USP30: variants seen among roughly 807,000 people sequenced by gnomAD.
The protein encoded by USP30 is ubiquitin specific peptidase 30.
In USP30, 41 loss-of-function variants were observed where a neutral mutation model predicts 68.2. The observed-to-expected ratio is 0.60, with a 90% CI of 0.47 to 0.78. USP30 has a LOEUF of 0.78. Ranked by LOEUF, USP30 falls within the 30% of genes least tolerant of loss-of-function variation. The pLI, the probability that USP30 is intolerant of heterozygous loss-of-function variation, is 0.00. For missense variants in USP30, 522 were observed against 649.4 expected, an observed-to-expected ratio of 0.80 and a Z score of 2.13; for synonymous variants, 229 against 253.7, an observed-to-expected ratio of 0.90 and a Z score of 0.93.
intron 3 of USP30, among the ~76,000 whole-genome samples, chr12:109,044,215 G>A (rs748162299): frequency 7.9e-5 from 12 of 152,206 alleles, no homozygotes; most frequent in Admixed American, 2.0e-4. Context: ...ACTGAGGAGC[G>A]TGTAGAATGA....
At position 109,071,620 on chromosome 12, in the gene USP30, C is replaced by T. The variant is rs771362379; in HGVS notation, c.489C>T (p.His163=). The change falls in exon 5 of 13, where the codon CAC becomes CAT. Residue 163 remains histidine, a synonymous_variant. Coordinates refer to ENST00000257548, the MANE Select transcript of USP30 (RefSeq NM_032663.5). The part of the protein sequence containing the change: ...QISSFEEQDA[H]ELFHVITSSL... ...GCTTTGCCCTATGACAGGATGCTCA[C>T]GAATTATTCCATGTCATTACCTCGT... is the stretch of plus-strand genomic sequence containing the variant. 1.2e-5 allele frequency: 19 copies of T among 1,613,906 alleles called. No homozygotes were observed. The highest frequency in any genetic ancestry group is 1.7e-5 in the Admixed American group (1 of 59,988).
At chr12:109,066,142 C>T (rs2041239969) in intron 3 of USP30, among the ~76,000 whole-genome samples, 1 of 151,292 alleles carries the variant, frequency 6.6e-6, no homozygotes, top group Non-Finnish European at 1.5e-5. Context: ...GTCCCAGCTG[C>T]TCAGGAGGCC....
intron 3 of USP30, among the ~76,000 whole-genome samples, chr12:109,033,421 C>T (rs1033099684): frequency 2.6e-5 from 4 of 152,124 alleles, no homozygotes; most frequent in Admixed American, 1.3e-4. Context: ...CATTAGTCTT[C>T]GAGTCACAGC....
At chr12:109,041,384 C>T (rs1464850652) in intron 3 of USP30, among the ~76,000 whole-genome samples, 1 of 152,060 alleles carries the variant, frequency 6.6e-6, no homozygotes, top group Admixed American at 6.5e-5. Flanking sequence ...CTCATGTAAT[C>T]CCAGCACTTT....
At chr12:109,055,400 A>ATTTTTTTT (rs869090869) in intron 1 of USP30, among the ~76,000 whole-genome samples, 29 of 24,466 alleles carry the variant, frequency 1.2e-3, no homozygotes, top group Admixed American at 3.0e-3. Context: ...ATATATATAT[A>ATTTTTTTT]TTTTTTTTTT....
At chr12:109,054,190 G>A (rs568147665) in intron 1 of USP30, 6 of 389,536 alleles carry the variant, frequency 1.5e-5, no homozygotes, top group African/African-American at 2.1e-5. Context: ...CTCACGTATC[G>A]TGTAAAAGCA....
At chr12:109,029,045 C>A (rs963535173) in intron 3 of USP30, among the ~76,000 whole-genome samples, 1 of 152,192 alleles carries the variant, frequency 6.6e-6, no homozygotes, top group Non-Finnish European at 1.5e-5. Flanking sequence ...ATCTTTACAA[C>A]TCCTGCTCAG....
At chr12:109,078,776 T>G (rs2041693334) in intron 7 of USP30, among the ~76,000 whole-genome samples, 1 of 152,232 alleles carries the variant, frequency 6.6e-6, no homozygotes, top group Non-Finnish European at 1.5e-5. Context: ...CAGATACACT[T>G]AGATTTCATG....
At position 109,086,893 on chromosome 12, in the gene USP30, G is replaced by A. The variant is rs1388830125; in HGVS notation, c.*962G>A. The stretch of plus-strand genomic sequence containing the variant: ...GCTTAGGAAGGAAGGGCTGACTATG[G>A]GGCTGCAGTCTCTCTGAACCTCAGT... On this transcript the variant is annotated 3_prime_UTR_variant, in exon 13 of 13. Coordinates refer to ENST00000257548, the MANE Select transcript of USP30 (RefSeq NM_032663.5). 1 of 152,182 alleles carries A rather than the reference G, an allele frequency of 6.6e-6. No individual in the cohort carries two copies. The highest frequency in any genetic ancestry group is 1.5e-5 in the Non-Finnish European group (1 of 68,042). 9.4% of individuals were successfully genotyped at this position (152,182 alleles called of 1,614,324 possible).
chr12:109,067,758 C>T, intron 4 of USP30, 131 bp downstream of exon 4: 1 of 709,348 alleles, frequency 1.4e-6, no homozygotes, highest in Non-Finnish European at 2.3e-6. Context: ...GTTCTGGGAC[C>T]AGAGTACCAA....
At chr12:109,078,240 A>G (rs2041671590) in intron 7 of USP30, among the ~76,000 whole-genome samples, 1 of 152,088 alleles carries the variant, frequency 6.6e-6, no homozygotes, top group Admixed American at 6.6e-5. Context: ...CATGGCCAAC[A>G]TGGTGAAACC....
At chr12:109,072,371 T>C (rs1478720494) in intron 6 of USP30, 21 bp downstream of exon 6, 2 of 1,608,402 alleles carry the variant, frequency 1.2e-6, no homozygotes, top group Admixed American at 3.3e-5. Flanking sequence ...TCCATTGAAA[T>C]ATAACACATA....
At position 109,031,669 on chromosome 12, in the gene USP30, T is replaced by C. The variant is rs568280076; in HGVS notation, c.-136+4113T>C. ...CATGCAATGGAATATCATTCAGCCA[T>C]ACAAATGAATGACGTTCCAATAGAA... is the stretch of plus-strand genomic sequence containing the variant. On this transcript the variant is annotated intron_variant, in intron 3 of 15. Coordinates refer to the USP30 transcript ENST00000392784. Among the ~76,000 whole-genome samples, 18 of 152,316 alleles carry C rather than the reference T, an allele frequency of 1.2e-4. No homozygotes were observed. In the South Asian group the frequency reaches 2.5e-3, roughly 21 times the overall value.
chr12:109,081,264 A>G (rs902391680), intron 7 of USP30, 70 bp from the exon 8 acceptor site: 46 of 1,441,180 alleles, frequency 3.2e-5, no homozygotes, highest in Non-Finnish European at 4.4e-5. Context: ...TCATAGTCAC[A>G]TATCTTGCAT....
intron 1 of USP30, among the ~76,000 whole-genome samples, chr12:109,023,601 G>C (rs1363075086): frequency 7.1e-6 from 1 of 140,058 alleles, no homozygotes; most frequent in Admixed American, 7.4e-5. Context: ...TCCCATTTCA[G>C]CTTCTACTCA....
intron 7 of USP30, 84 bp from the exon 8 acceptor site, chr12:109,081,250 T>C: frequency 7.8e-7 from 1 of 1,281,608 alleles, no homozygotes; most frequent in Non-Finnish European, 1.1e-6. Flanking sequence ...AATATTAAAC[T>C]GTTTCATAGT....
rs994272593 is a variant in USP30, at chr12:109,052,845, G to T, written c.83+84G>T. Reference sequence around the variant, plus strand: ...CCCGTGACGGCTTTTTCATGCCCTAGTTGGGGTCTCCAGGGCCCGCGCGGG... The same window carrying T: ...CCCGTGACGGCTTTTTCATGCCCTATTTGGGGTCTCCAGGGCCCGCGCGGG... On this transcript the variant is annotated intron_variant, in intron 1 of 12. Transcript: ENST00000257548. 6.0e-6 allele frequency: 8 copies of T among 1,324,818 alleles called. No homozygotes were observed. In the African/African-American group the frequency reaches 1.1e-4, roughly 18 times the overall value. 82.1% of individuals were successfully genotyped at this position (1,324,818 alleles called of 1,614,324 possible). A position where few individuals can be genotyped will look rare whatever the true frequency, so the allele number is the denominator to read the frequency against.
At position 109,087,079 on chromosome 12, in the gene USP30, T is replaced by A. The variant is rs537952454; in HGVS notation, c.*1148T>A. The A allele has an allele frequency of 2.6e-5, 4 of 152,162 alleles. No homozygotes were observed. Among genetic ancestry groups the A allele is most frequent in the Non-Finnish European group, 5.9e-5 (4 of 68,050 alleles). The allele number at this position is 152,162 out of a possible 1,614,324, so 9.4% of individuals were successfully genotyped here. ...TAGGTCCATATTCTGAATTTATTCATTTCCAATAGCCTAATACAAAAAGTA... is the reference window on the plus strand; with the variant it reads ...TAGGTCCATATTCTGAATTTATTCAATTCCAATAGCCTAATACAAAAAGTA... On this transcript the variant is annotated 3_prime_UTR_variant, in exon 13 of 13. Transcript: ENST00000257548.
chr12:109,083,084 A>G (rs1250223131), intron 11 of USP30, 22 bp downstream of exon 11: 2 of 1,564,248 alleles, frequency 1.3e-6, no homozygotes, highest in South Asian at 2.4e-5. Flanking sequence ...CGAGGAGCCG[A>G]TGCAGCAGGA....
Sources: gnomAD v4.1 joint callset for allele counts (sites outside exome capture counted in the v4.1 genomes callset) on GRCh38, gnomAD v4.1.1 for gene constraint, MANE v1.5 for transcripts, NCBI Gene and HGNC (gene_info 2026-07-23, HGNC 2026-07-21) for gene names.